MAST4: variants seen among roughly 807,000 people sequenced by gnomAD.
The protein encoded by MAST4 is microtubule-associated serine/threonine-protein kinase 4.
Under a neutral mutation model 162.7 loss-of-function variants are expected in MAST4, and 89 were observed. That is an observed-to-expected ratio of 0.55 (90% CI 0.46 to 0.65). MAST4 has a LOEUF of 0.65. MAST4 is among the 30% of genes least tolerant of loss of function. MAST4 has a pLI of 0.00. For synonymous variants in MAST4, 1,479 were observed against 1,361.1 expected, an observed-to-expected ratio of 1.09 and a Z score of -1.91; for missense variants, 3,153 against 3,374.0, an observed-to-expected ratio of 0.93 and a Z score of 1.62.
At chr5:67,125,578 G>C (rs1377506343) in intron 14 of MAST4, among the ~76,000 whole-genome samples, 1 of 152,096 alleles carries the variant, frequency 6.6e-6, no homozygotes, top group Non-Finnish European at 1.5e-5. Context: ...TAAAGGACGT[G>C]AACTCATTCC....
chr5:67,036,558 T>A (rs1035247943), intron 4 of MAST4, among the ~76,000 whole-genome samples: 3 of 152,192 alleles, frequency 2.0e-5, no homozygotes, highest in Non-Finnish European at 4.4e-5. Context: ...AAATCTGATA[T>A]AAGATGACAT....
intron 4 of MAST4, among the ~76,000 whole-genome samples, chr5:67,004,205 C>A (rs113882025): frequency 2.0e-5 from 3 of 149,448 alleles, no homozygotes; most frequent in Non-Finnish European, 4.5e-5. Flanking sequence ...GGGGTCGCGC[C>A]GCGGCCGCCT....
At chr5:66,821,431 C>T (rs1229687719) in intron 3 of MAST4, among the ~76,000 whole-genome samples, 1 of 152,134 alleles carries the variant, frequency 6.6e-6, no homozygotes, top group African/African-American at 2.4e-5. Context: ...AGTGTAATAT[C>T]TCCTGGTACT....
At chr5:66,798,356 T>C (rs1213842831) in intron 3 of MAST4, among the ~76,000 whole-genome samples, 2 of 152,340 alleles carry the variant, frequency 1.3e-5, no homozygotes, top group East Asian at 3.9e-4. Context: ...CAGGCATTTT[T>C]ACAAATAATA....
At chr5:66,844,525 T>C (rs1758670929) in intron 3 of MAST4, among the ~76,000 whole-genome samples, 1 of 152,090 alleles carries the variant, frequency 6.6e-6, no homozygotes, top group Non-Finnish European at 1.5e-5. Context: ...ATGGGAACAT[T>C]CATTCACTCA....
chr5:67,135,471 T>A (rs1341217999), intron 18 of MAST4, among the ~76,000 whole-genome samples: 1 of 152,246 alleles, frequency 6.6e-6, no homozygotes, highest in African/African-American at 2.4e-5. Context: ...ACGGTCTATT[T>A]GGACTGTGTT....
At chr5:66,677,657 G>A (rs1748039556) in intron 1 of MAST4, among the ~76,000 whole-genome samples, 1 of 152,180 alleles carries the variant, frequency 6.6e-6, no homozygotes, top group Admixed American at 6.5e-5. Context: ...GGGATGCCCA[G>A]AGCAGAGATG....
At position 67,164,765 on chromosome 5, in the gene MAST4, C is replaced by T. The variant is rs1581784520; in HGVS notation, c.5586C>T (p.Ser1862=). Residue 1862 remains serine, a synonymous_variant, in exon 29 of 29, where the codon TCC becomes TCT. Transcript: ENST00000403625. This position sits in a 1 kb window ranked among gnomAD's most constrained non-coding sequence, Gnocchi z 5.3. ...CCAGTGCAAGAGAGCTTTCTCCTTC[C>T]AGCTTAAAGATGAATAAATCCTACC... is the stretch of plus-strand genomic sequence containing the variant. The part of the protein sequence containing the change: ...DTTSARELSP[S]SLKMNKSYLL... 4 of 1,613,906 alleles carry T rather than the reference C, an allele frequency of 2.5e-6. No homozygotes were observed. Among genetic ancestry groups the T allele is most frequent in the Non-Finnish European group, 3.4e-6 (4 of 1,179,906 alleles).
At chr5:66,749,880 C>G (rs1332434698) in intron 1 of MAST4, among the ~76,000 whole-genome samples, 6 of 152,148 alleles carry the variant, frequency 3.9e-5, no homozygotes, top group Admixed American at 1.3e-4. Context: ...GAAGCCTGTT[C>G]TATCAAATTT....
chr5:66,868,835 C>T (rs983496257), intron 3 of MAST4, among the ~76,000 whole-genome samples: 2 of 152,106 alleles, frequency 1.3e-5, no homozygotes, highest in Admixed American at 6.6e-5. Context: ...TGTGCTTGCC[C>T]TCTTTAAATT....
chr5:66,636,157 C>T (rs548435846), intron 1 of MAST4, among the ~76,000 whole-genome samples: 77 of 151,908 alleles, frequency 5.1e-4, no homozygotes, highest in Non-Finnish European at 8.8e-5. Flanking sequence ...GGGGTTTCAC[C>T]GTGTTAGCCA....
chr5:66,747,660 C>A (rs1752852786), intron 1 of MAST4, among the ~76,000 whole-genome samples: 1 of 152,118 alleles, frequency 6.6e-6, no homozygotes, highest in African/African-American at 2.4e-5. Flanking sequence ...CAACCTAGGT[C>A]ATCTCAGCAA....
At position 66,915,685 on chromosome 5, in the gene MAST4, G is replaced by A. The variant is rs58857133; in HGVS notation, c.674+15703G>A. Among the ~76,000 whole-genome samples the A allele has an allele frequency of 9.4e-3, 1,435 of 152,244 alleles. 15 individuals carry two copies. The highest frequency in any genetic ancestry group is 0.031 in the African/African-American group (1,307 of 41,536). ...TAACTAAACAGTTGAGGCTGCACGC[G>A]GGCGCTGGTCCCGAGGGTCAGTGCT... is the stretch of plus-strand genomic sequence containing the variant. On this transcript the variant is annotated intron_variant, in intron 4 of 28. Transcript: ENST00000403625.
intron 1 of MAST4, among the ~76,000 whole-genome samples, chr5:66,652,309 G>A (rs770909794): frequency 3.3e-5 from 5 of 152,148 alleles, no homozygotes; most frequent in Non-Finnish European, 5.9e-5. Flanking sequence ...CTGCATGAAG[G>A]AGATGTTCAT....
rs1744284149 is a variant in MAST4, at chr5:66,948,467, G to C, written c.674+48485G>C. ...CTTCTTTTCCACCTCCTGAAACCCA[G>C]AGCCTTTTGTTGTCCCCCTCCTCGC... On this transcript the variant is annotated intron_variant, in intron 4 of 28. Coordinates refer to ENST00000403625, the MANE Select transcript of MAST4 (RefSeq NM_001164664.2). Among the ~76,000 whole-genome samples, 3 of 151,996 alleles carry C rather than the reference G, an allele frequency of 2.0e-5. No homozygotes were observed. The South Asian group carries it at 6.2e-4, about 32-fold the overall frequency.
chr5:66,648,075 TGTGTGTGTGAGA>T lies in MAST4; in HGVS notation c.363+51059_363+51070del, dbSNP rs1176217000. ...GTGTGTGTGTGTGTGTGTGTGTGTG[TGTGTGTGTGAGA>T]GAGAGAGAGAGAGAGAGATTTAGTA... On this transcript the variant is annotated intron_variant, in intron 1 of 28. Coordinates refer to ENST00000403625, the MANE Select transcript of MAST4 (RefSeq NM_001164664.2). 6.0e-3 allele frequency among the ~76,000 whole-genome samples: 576 copies of T among 95,344 alleles called. 3 individuals carry two copies. The highest frequency in any genetic ancestry group is 0.025 in the African/African-American group (531 of 20,986). The allele number at this position is 95,344 out of a possible 152,430, so 62.5% of individuals were successfully genotyped here. A position where few individuals can be genotyped will look rare whatever the true frequency, so the allele number is the denominator to read the frequency against.
chr5:66,760,070 A>G (rs1753766385), intron 2 of MAST4, among the ~76,000 whole-genome samples: 1 of 145,422 alleles, frequency 6.9e-6, no homozygotes, highest in Non-Finnish European at 1.5e-5. Context: ...TGCAGTGACA[A>G]TATCCCCTAT....
chr5:67,145,165 C>A lies in MAST4; in HGVS notation c.2880C>A (p.Asn960Lys), dbSNP rs1443628599. Reference protein sequence around the residue: ...YSEMQQLSTSNSSDTESNRHK... With the variant: ...YSEMQQLSTSKSSDTESNRHK... Reference sequence around the variant, plus strand: ...TAAGGCAACAGCTATCAACATCCAACTCTTCAGATACTGAAAGCAACAGAC... The same window carrying A: ...TAAGGCAACAGCTATCAACATCCAAATCTTCAGATACTGAAAGCAACAGAC... The change falls in exon 23 of 29, where the codon AAC (asparagine) becomes AAA (lysine). Residue 960 changes from asparagine to lysine, a missense_variant. This residue lies in a region of MAST4 where 619 missense variants were observed against 744.2 expected (regional missense o/e 0.83). Coordinates refer to ENST00000403625, the MANE Select transcript of MAST4 (RefSeq NM_001164664.2). 1.9e-6 allele frequency: 3 copies of A among 1,611,168 alleles called. No individual in the cohort carries two copies. The highest frequency in any genetic ancestry group is 2.5e-6 in the Non-Finnish European group (3 of 1,178,534).
intron 4 of MAST4, among the ~76,000 whole-genome samples, chr5:66,945,294 G>T (rs1279090040): frequency 6.6e-6 from 1 of 152,094 alleles, no homozygotes; most frequent in Admixed American, 6.6e-5. Context: ...TTTTTAGTTG[G>T]TTTTTCCTAA....
Sources: gnomAD v4.1 joint callset for allele counts (sites outside exome capture counted in the v4.1 genomes callset) on GRCh38, gnomAD v4.1.1 for gene constraint, gnomAD v4.1.1 regional missense constraint, Gnocchi (gnomAD v3.1) non-coding constraint, MANE v1.5 for transcripts, NCBI Gene and HGNC (gene_info 2026-07-23, HGNC 2026-07-21) for gene names.